CSMD1: variants seen among roughly 807,000 people sequenced by gnomAD.
CSMD1 encodes CUB and sushi domain-containing protein 1.
In CSMD1, 213 loss-of-function variants were observed where a neutral mutation model predicts 417.5. The observed-to-expected ratio is 0.51, with a 90% CI of 0.46 to 0.57. CSMD1 has a LOEUF of 0.57. Ranked by LOEUF, CSMD1 falls within the 20% of genes least tolerant of loss-of-function variation. The probability of loss-of-function intolerance (pLI) is 0.00; values close to 1 mark genes in which losing one functional copy is unlikely to be tolerated. For synonymous variants in CSMD1, 2,862 were observed against 1,736.8 expected, an observed-to-expected ratio of 1.65 and a Z score of -16.11; for missense variants, 6,923 against 4,529.7, an observed-to-expected ratio of 1.53 and a Z score of -15.17.
chr8:3,793,529 T>C (rs1046032325), intron 5 of CSMD1, among the ~76,000 whole-genome samples: 1 of 147,986 alleles, frequency 6.8e-6, no homozygotes, highest in Non-Finnish European at 1.5e-5. Context: ...CTGGATTCGA[T>C]CTCTGGGCTT....
rs540524208 is a variant in CSMD1 at position 4,179,784 on chromosome 8, T to A, written c.416-147685A>T. On this transcript the variant is annotated intron_variant, in intron 3 of 69. Coordinates refer to ENST00000635120, the MANE Select transcript of CSMD1 (RefSeq NM_033225.6). ...GTGGTGAACAATATGAACAGACACTTCTCAAAAGAAGACATTTATGCAGCC... is the reference window on the plus strand; with the variant it reads ...GTGGTGAACAATATGAACAGACACTACTCAAAAGAAGACATTTATGCAGCC... Among the ~76,000 whole-genome samples, 344 of 152,100 alleles carry A rather than the reference T, an allele frequency of 2.3e-3. 1 individual carries two copies. Among genetic ancestry groups the A allele is most frequent in the African/African-American group, 8.0e-3 (330 of 41,468 alleles).
chr8:4,129,103 A>C (rs573249002), intron 3 of CSMD1, among the ~76,000 whole-genome samples: 1 of 151,864 alleles, frequency 6.6e-6, no homozygotes, highest in African/African-American at 2.4e-5. Context: ...CAAAACAAAA[A>C]AAACAGAATT....
At chr8:3,514,477 C>A (rs1797205696) in intron 10 of CSMD1, among the ~76,000 whole-genome samples, 1 of 152,138 alleles carries the variant, frequency 6.6e-6, no homozygotes, top group African/African-American at 2.4e-5. Flanking sequence ...AGAACCCAGG[C>A]TTCAATTTTT....
At chr8:4,152,690 A>T (rs1231845354) in intron 3 of CSMD1, among the ~76,000 whole-genome samples, 1 of 151,700 alleles carries the variant, frequency 6.6e-6, no homozygotes, top group East Asian at 1.9e-4. Flanking sequence ...ACCTTGTCTC[A>T]AAAAAGAAAA....
chr8:3,826,204 G>A (rs1213138023), intron 5 of CSMD1, among the ~76,000 whole-genome samples: 1 of 152,138 alleles, frequency 6.6e-6, no homozygotes. Context: ...CCTTCACGGT[G>A]GAGCTGGACA....
rs566618209 is a variant in CSMD1, at chr8:4,902,787, C to T, written c.85+91545G>A. On this transcript the variant is annotated intron_variant, in intron 1 of 69. Transcript: ENST00000635120. Reference sequence around the variant, plus strand: ...AGCTTATCTGCCCAGGCAGTAAACACAGTTACCAGGTTCATGTGTATCCTT... The same window carrying T: ...AGCTTATCTGCCCAGGCAGTAAACATAGTTACCAGGTTCATGTGTATCCTT... Among the ~76,000 whole-genome samples the T allele has an allele frequency of 6.6e-5, 10 of 152,096 alleles. No homozygotes were observed. The East Asian group carries it at 1.2e-3, about 18-fold the overall frequency.
intron 39 of CSMD1, among the ~76,000 whole-genome samples, chr8:3,153,923 G>C (rs1819355837): frequency 1.3e-5 from 2 of 152,190 alleles, no homozygotes; most frequent in Non-Finnish European, 2.9e-5. Flanking sequence ...CAATAGATAA[G>C]CGTAAAAACA....
intron 3 of CSMD1, among the ~76,000 whole-genome samples, chr8:4,095,990 A>G (rs1027318424): frequency 6.6e-6 from 1 of 152,204 alleles, no homozygotes; most frequent in African/African-American, 2.4e-5. Flanking sequence ...CCAAAAACCC[A>G]GAGTTGTCAG....
intron 1 of CSMD1, among the ~76,000 whole-genome samples, chr8:4,774,353 T>C (rs1022571531): frequency 6.6e-6 from 1 of 152,190 alleles, no homozygotes; most frequent in Non-Finnish European, 1.5e-5. Context: ...AGGAAATCCA[T>C]GAGTAAGATC....
intron 49 of CSMD1, among the ~76,000 whole-genome samples, chr8:3,074,889 C>T (rs528207898): frequency 2.0e-5 from 3 of 151,972 alleles, no homozygotes; most frequent in Non-Finnish European, 4.4e-5. Context: ...TATCTATGTC[C>T]CCACTCAAAT....
At chr8:4,667,138 T>A (rs989668989) in intron 1 of CSMD1, among the ~76,000 whole-genome samples, 35 of 152,188 alleles carry the variant, frequency 2.3e-4, no homozygotes, top group African/African-American at 8.2e-4. Context: ...CCTTGTCCCC[T>A]TTCTCAAATA....
In CSMD1 at chr8:4,957,046, G is replaced by C. The variant is rs992106969; in HGVS notation, c.85+37286C>G. 2.6e-5 allele frequency among the ~76,000 whole-genome samples: 4 copies of C among 152,318 alleles called. No homozygotes were observed. In the East Asian group the frequency reaches 7.7e-4, roughly 29 times the overall value. ...AAATGTGAGAAGAAATTCAGGAAGA[G>C]GAAACACATTAATTTGAGACTGTTG... On this transcript the variant is annotated intron_variant, in intron 1 of 69. Coordinates refer to ENST00000635120, the MANE Select transcript of CSMD1 (RefSeq NM_033225.6).
intron 2 of CSMD1, among the ~76,000 whole-genome samples, chr8:4,432,705 T>C (rs1021745156): frequency 6.6e-6 from 1 of 152,170 alleles, no homozygotes; most frequent in Non-Finnish European, 1.5e-5. Flanking sequence ...CTCCAGAGCC[T>C]GTGCTTTTAA....
At position 3,981,062 on chromosome 8, in the gene CSMD1, C is replaced by T. The variant is rs114801309; in HGVS notation, c.818+16841G>A. On this transcript the variant is annotated intron_variant, in intron 5 of 69. Coordinates refer to ENST00000635120, the MANE Select transcript of CSMD1 (RefSeq NM_033225.6). ...TGAATTTTCCCACAGTCAAAAACGC[C>T]CGTACTTGTAGTTCCTTCCAAGGAC... 3.4e-3 allele frequency among the ~76,000 whole-genome samples: 513 copies of T among 152,246 alleles called. 3 individuals carry two copies. The highest frequency in any genetic ancestry group is 0.012 in the African/African-American group (483 of 41,542).
intron 5 of CSMD1, among the ~76,000 whole-genome samples, chr8:3,997,012 T>C (rs1026477105): frequency 2.0e-5 from 3 of 152,198 alleles, no homozygotes; most frequent in Non-Finnish European, 2.9e-5. Flanking sequence ...TATTCCCCTC[T>C]TCCTACTCAT....
intron 23 of CSMD1, among the ~76,000 whole-genome samples, chr8:3,312,123 G>C (rs1057321178): frequency 3.3e-5 from 5 of 152,024 alleles, no homozygotes; most frequent in South Asian, 2.1e-4. Context: ...AAAGAAAAAA[G>C]ATGTATCCAT....
intron 10 of CSMD1, among the ~76,000 whole-genome samples, chr8:3,540,493 T>C (rs1433684623): frequency 6.6e-6 from 1 of 152,116 alleles, no homozygotes; most frequent in Non-Finnish European, 1.5e-5. Context: ...ATGACAAAAA[T>C]GTCAAAAGCA....
rs373093442 is a variant in CSMD1, at chr8:3,176,880, C to T, written c.5725+4230G>A. Among the ~76,000 whole-genome samples the T allele has an allele frequency of 1.5e-3, 224 of 151,536 alleles. 9 individuals are homozygous for T. In the East Asian group the frequency reaches 0.029, roughly 19 times the overall value. On this transcript the variant is annotated intron_variant, in intron 37 of 69. Transcript: ENST00000635120. ...TGTAGCCTCGGCCTCCTGGGCTCAA[C>T]GGATCATCCCACCTCAGCCTCCTGT... is the stretch of plus-strand genomic sequence containing the variant.
intron 1 of CSMD1, among the ~76,000 whole-genome samples, chr8:4,874,883 G>A (rs755489708): frequency 2.9e-5 from 4 of 139,450 alleles, no homozygotes; most frequent in African/African-American, 6.1e-5. Context: ...ATATAGTATA[G>A]AGTATAGTGT....
Sources: allele counts gnomAD v4.1 joint callset (sites outside exome capture counted in the v4.1 genomes callset), GRCh38; gene constraint gnomAD v4.1.1; transcripts MANE v1.5; gene names NCBI Gene and HGNC (gene_info 2026-07-23, HGNC 2026-07-21).